The following MAP3K2 variants were observed in gnomAD, a reference collection of about 807,000 sequenced individuals.
MAP3K2 encodes mitogen-activated protein kinase kinase kinase 2, also known as MAP/ERK kinase kinase 2.
In MAP3K2, 24 loss-of-function variants were observed where a neutral mutation model predicts 80.3. The ratio of observed to expected loss-of-function variants is 0.30; its 90% confidence interval spans 0.22 to 0.42. The LOEUF is 0.42. MAP3K2 is among the 10% of genes least tolerant of loss of function. The pLI is 1.00. For missense variants in MAP3K2, 608 were observed against 750.1 expected (o/e 0.81, Z 2.21); for synonymous variants, 244 against 253.7 (o/e 0.96, Z 0.36).
chr2:127,344,691 C>T (rs1686563030), intron 1 of MAP3K2, among the ~76,000 whole-genome samples: 2 of 151,982 alleles, frequency 1.3e-5, no homozygotes, highest in African/African-American at 4.8e-5. Context: ...TATAAAATTA[C>T]CTTTAGCTAT....
At chr2:127,381,130 T>C (rs140545281) in intron 1 of MAP3K2, among the ~76,000 whole-genome samples, 11 of 152,254 alleles carry the variant, frequency 7.2e-5, no homozygotes, top group African/African-American at 2.6e-4. Flanking sequence ...ACCTCCTGAG[T>C]AGTTGAGGCA....
chr2:127,353,432 C>G (rs1177010043), intron 1 of MAP3K2, among the ~76,000 whole-genome samples: 1 of 151,816 alleles, frequency 6.6e-6, no homozygotes, highest in Non-Finnish European at 1.5e-5. Context: ...GCAGCCGCCC[C>G]GTCTGAGAAG....
intron 2 of MAP3K2, among the ~76,000 whole-genome samples, chr2:127,340,702 G>A (rs1255248954): frequency 6.6e-6 from 1 of 151,380 alleles, no homozygotes; most frequent in Non-Finnish European, 1.5e-5. Flanking sequence ...TTCTATACTA[G>A]GGATAGATGA....
At chr2:127,372,086 T>A (rs548103996) in intron 1 of MAP3K2, among the ~76,000 whole-genome samples, 10 of 152,028 alleles carry the variant, frequency 6.6e-5, no homozygotes, top group African/African-American at 2.4e-4. Context: ...ACTAAAAGGG[T>A]TGCAACCGGG....
At chr2:127,376,112 A>G (rs895781611) in intron 1 of MAP3K2, among the ~76,000 whole-genome samples, 1 of 152,208 alleles carries the variant, frequency 6.6e-6, no homozygotes, top group Non-Finnish European at 1.5e-5. Context: ...AAACTGTAGG[A>G]AGATGCAAAC....
chr2:127,317,851 G>A (rs1685937213), intron 13 of MAP3K2, 91 bp from the exon 14 acceptor site: 1 of 1,208,832 alleles, frequency 8.3e-7, no homozygotes, highest in South Asian at 1.5e-5. Context: ...ATTTCATTCT[G>A]AAAATTTTAG....
intron 14 of MAP3K2, 112 bp from the exon 15 acceptor site, chr2:127,314,995 C>G: frequency 1.4e-6 from 1 of 707,882 alleles, no homozygotes; most frequent in South Asian, 1.9e-5. Flanking sequence ...CTCGTCTAAG[C>G]ATGTCCTACT....
Position 127,307,479 on chromosome 2 carries a change from C to T in MAP3K2, c.*100G>A. The T allele has an allele frequency of 3.4e-6, 2 of 592,668 alleles. No homozygotes were observed. The highest frequency in any genetic ancestry group is 5.6e-6 in the Non-Finnish European group (2 of 359,470). The allele number at this position is 592,668 out of a possible 1,614,324, so 36.7% of individuals were successfully genotyped here. On this transcript the variant is annotated 3_prime_UTR_variant, in exon 17 of 17. Transcript: ENST00000682094. This position sits in a 1 kb window ranked among gnomAD's most constrained non-coding sequence, Gnocchi z 5.4. ...ATACTTTCCCTCTTGTCTTTTTTCT[C>T]CCCCATCTCTCTTTTTTTATAAAAA...
intron 1 of MAP3K2, among the ~76,000 whole-genome samples, chr2:127,376,716 A>G (rs1208675689): frequency 6.6e-6 from 1 of 152,148 alleles, no homozygotes; most frequent in Non-Finnish European, 1.5e-5. Context: ...TAAGCCACTG[A>G]GATATTGGGG....
At chr2:127,337,371 T>G (rs1294897491) in intron 4 of MAP3K2, among the ~76,000 whole-genome samples, 3 of 152,166 alleles carry the variant, frequency 2.0e-5, no homozygotes, top group Admixed American at 6.6e-5. Flanking sequence ...GAATTGTAAA[T>G]GTTAAGCTCA....
intron 2 of MAP3K2, 141 bp downstream of exon 2, chr2:127,342,980 TAAGTA>T (rs1167024222): frequency 3.4e-5 from 20 of 585,452 alleles, no homozygotes; most frequent in Non-Finnish European, 5.4e-5. Context: ...CAAAGTCTAT[TAAGTA>T]AATATAAAAC....
chr2:127,355,002 CA>C (rs994648312), intron 1 of MAP3K2, among the ~76,000 whole-genome samples: 1 of 151,898 alleles, frequency 6.6e-6, no homozygotes, highest in African/African-American at 2.4e-5. Flanking sequence ...ATAATGATGA[CA>C]AAAAATAAAA....
chr2:127,388,224 TCC>T (rs879260401), upstream of MAP3K2: 63,205 of 984,500 alleles, frequency 0.064, 2,414 homozygotes, highest in African/African-American at 0.17. Flanking sequence ...CCTGTGCTGT[TCC>T]GTGTGCGCGG....
chr2:127,380,238 T>C (rs1006610115), intron 1 of MAP3K2, among the ~76,000 whole-genome samples: 6 of 152,144 alleles, frequency 3.9e-5, no homozygotes, highest in Admixed American at 3.9e-4. Context: ...GAACGACACA[T>C]CAATGATTAT....
rs780125087 is a variant in MAP3K2, at chr2:127,308,626, T to C, written c.1593A>G (p.Glu531=). 1 of 1,612,966 alleles carries C rather than the reference T, an allele frequency of 6.2e-7. No individual in the cohort carries two copies. The highest frequency in any genetic ancestry group is 1.1e-5 in the South Asian group (1 of 90,978). ...VTGTPYWMSP[E]VISGEGYGRK... is the part of the protein sequence containing the mutation. ...TTCCATAGCCTTCTCCACTGATGAC[T>C]TCAGGGCTCATCCAGTATGGTGTGC... Residue 531 remains glutamate, a synonymous_variant, in exon 16 of 17, where the codon GAA becomes GAG. Transcript: ENST00000682094.
At chr2:127,377,591 A>G (rs553364746) in intron 1 of MAP3K2, among the ~76,000 whole-genome samples, 1 of 152,350 alleles carries the variant, frequency 6.6e-6, no homozygotes, top group South Asian at 2.1e-4. Flanking sequence ...CAACTGCACT[A>G]TGTGACTCTG....
chr2:127,336,095 A>G (rs1044530175), intron 4 of MAP3K2, 126 bp from the exon 5 acceptor site: 2 of 565,748 alleles, frequency 3.5e-6, no homozygotes. Context: ...ACTTTACTTA[A>G]CACTACAACA....
At chr2:127,330,700 T>C (rs1686239547) in intron 5 of MAP3K2, among the ~76,000 whole-genome samples, 195 bp from the exon 6 acceptor site, 1 of 152,216 alleles carries the variant, frequency 6.6e-6, no homozygotes, top group Non-Finnish European at 1.5e-5. Flanking sequence ...AGAATGAACA[T>C]GTATGTTTTT....
chr2:127,341,446 GCTTGAAGA>G (rs1686485341), intron 2 of MAP3K2, among the ~76,000 whole-genome samples: 1 of 151,174 alleles, frequency 6.6e-6, no homozygotes, highest in Non-Finnish European at 1.5e-5. Flanking sequence ...TACTTGGCGG[GCTTGAAGA>G]ATTACTACTG....
Sources: allele counts gnomAD v4.1 joint callset (sites outside exome capture counted in the v4.1 genomes callset), GRCh38; gene constraint gnomAD v4.1.1; non-coding constraint Gnocchi (gnomAD v3.1); transcripts MANE v1.5; gene names NCBI Gene and HGNC (gene_info 2026-07-23, HGNC 2026-07-21).